SPON1: variants seen among roughly 807,000 people sequenced by gnomAD.
SPON1 encodes spondin-1.
SPON1 carries 52 observed loss-of-function variants against 111.7 expected under a neutral mutation model. The observed-to-expected ratio is 0.47, with a 90% CI of 0.37 to 0.59. The LOEUF is 0.59. Among genes scored for constraint, SPON1 ranks in the 20% least tolerant of loss-of-function variants. SPON1 has a pLI of 0.00. For synonymous variants in SPON1, 410 were observed against 395.8 expected, an observed-to-expected ratio of 1.04 and a Z score of -0.43; for missense variants, 957 against 1,068.5, an observed-to-expected ratio of 0.90 and a Z score of 1.46.
intron 6 of SPON1, among the ~76,000 whole-genome samples, chr11:14,141,715 A>T (rs12794743): frequency 0.4 from 60,406 of 152,112 alleles, 12,262 homozygotes; most frequent in East Asian, 0.55. Flanking sequence ...TTCTTTTCTC[A>T]TCTCCTTTAA....
rs1223565914 is a variant in SPON1 at position 14,161,191 on chromosome 11, CTA to C, written c.825+25631_825+25632del. ...TCTATATATCTATATATTTATATAT[CTA>C]TATATATTTATATATTTATATATAT... On this transcript the variant is annotated intron_variant, in intron 6 of 15. Coordinates refer to ENST00000576479, the MANE Select transcript of SPON1 (RefSeq NM_006108.4). 8.6e-4 allele frequency among the ~76,000 whole-genome samples: 24 copies of C among 27,952 alleles called. 1 individual carries two copies. Among genetic ancestry groups the C allele is most frequent in the African/African-American group, 2.4e-3 (22 of 9,018 alleles). The allele number at this position is 27,952 out of a possible 152,430, so 18.3% of individuals were successfully genotyped here.
At chr11:14,175,238 G>A (rs1197341237) in intron 6 of SPON1, among the ~76,000 whole-genome samples, 1 of 152,150 alleles carries the variant, frequency 6.6e-6, no homozygotes, top group Non-Finnish European at 1.5e-5. Flanking sequence ...AAGCTTTCAA[G>A]GCTTTAACTG....
intron 5 of SPON1, among the ~76,000 whole-genome samples, chr11:14,108,361 G>T (rs948712664): frequency 1.3e-5 from 2 of 152,110 alleles, no homozygotes; most frequent in Non-Finnish European, 2.9e-5. Flanking sequence ...TCTAAATAAG[G>T]ATTTAGCTCT....
intron 6 of SPON1, among the ~76,000 whole-genome samples, chr11:14,143,801 G>A (rs1295875784): frequency 3.3e-5 from 5 of 152,166 alleles, no homozygotes; most frequent in Non-Finnish European, 5.9e-5. Context: ...CCAATTGGGT[G>A]ACAAAATGCT....
At chr11:14,216,299 G>A (rs1554937143) in intron 6 of SPON1, among the ~76,000 whole-genome samples, 2 of 152,140 alleles carry the variant, frequency 1.3e-5, no homozygotes. Context: ...TTCACATCTG[G>A]GGCTGGGTGG....
chr11:14,168,243 A>G (rs536600028), intron 6 of SPON1, among the ~76,000 whole-genome samples: 1 of 152,336 alleles, frequency 6.6e-6, no homozygotes, highest in African/African-American at 2.4e-5. Flanking sequence ...AGCAAATCTG[A>G]TATCTGACCT....
At chr11:14,059,455 C>T (rs1848773624) in intron 3 of SPON1, among the ~76,000 whole-genome samples, 1 of 152,032 alleles carries the variant, frequency 6.6e-6, no homozygotes, top group South Asian at 2.1e-4. Flanking sequence ...CCACCGTAGA[C>T]CCCCCACTAC....
chr11:14,112,892 G>A (rs1216838015), intron 5 of SPON1, among the ~76,000 whole-genome samples: 1 of 152,144 alleles, frequency 6.6e-6, no homozygotes, highest in Non-Finnish European at 1.5e-5. Context: ...CTGATGCCCA[G>A]TGTCTCTATC....
At position 14,228,247 on chromosome 11, in the gene SPON1, C is replaced by T. The variant is rs1848761585; in HGVS notation, c.826-15085C>T. On this transcript the variant is annotated intron_variant, in intron 6 of 15. Transcript: ENST00000576479. This position sits in a 1 kb window ranked among gnomAD's most constrained non-coding sequence, Gnocchi z 4.2. ...ACTGTTCTTCCAACCACTGACAACA[C>T]ATTGTTCAGGCAGCAGCACACGTAT... 6.6e-6 allele frequency among the ~76,000 whole-genome samples: 1 copy of T among 152,244 alleles called. No individual in the cohort carries two copies. The highest frequency in any genetic ancestry group is 1.5e-5 in the Non-Finnish European group (1 of 68,044).
chr11:14,035,178 T>G (rs145016143), intron 2 of SPON1, among the ~76,000 whole-genome samples: 1 of 152,088 alleles, frequency 6.6e-6, no homozygotes, highest in Non-Finnish European at 1.5e-5. Flanking sequence ...GGGACTAGGA[T>G]TGGCTAGAGA....
At chr11:14,199,526 C>T (rs2133895855) in intron 6 of SPON1, among the ~76,000 whole-genome samples, 1 of 152,214 alleles carries the variant, frequency 6.6e-6, no homozygotes, top group Middle Eastern at 3.4e-3. Flanking sequence ...CTAAACTTTT[C>T]TCCCTGTCTC....
At chr11:14,239,491 C>T (rs942027208) in intron 6 of SPON1, among the ~76,000 whole-genome samples, 1 of 152,024 alleles carries the variant, frequency 6.6e-6, no homozygotes, top group African/African-American at 2.4e-5. Flanking sequence ...TTTGGGAGGC[C>T]GAGGCGGGCA....
chr11:13,991,916 G>A (rs1361454901), intron 2 of SPON1, among the ~76,000 whole-genome samples: 1 of 152,156 alleles, frequency 6.6e-6, no homozygotes, highest in East Asian at 1.9e-4. Context: ...ATTGTTGCCT[G>A]ATCTTTCCTC....
intron 6 of SPON1, among the ~76,000 whole-genome samples, chr11:14,168,019 C>A (rs1848051184): frequency 6.6e-6 from 1 of 152,282 alleles, no homozygotes; most frequent in East Asian, 1.9e-4. Flanking sequence ...TTCTTATAAT[C>A]TTTTACCAAA....
At chr11:14,216,718 C>T (rs1848630064) in intron 6 of SPON1, among the ~76,000 whole-genome samples, 1 of 152,310 alleles carries the variant, frequency 6.6e-6, no homozygotes, top group South Asian at 2.1e-4. Context: ...CCCACTCCTA[C>T]AATAACAACA....
chr11:13,993,424 A>C (rs1440018073), intron 2 of SPON1, among the ~76,000 whole-genome samples: 12 of 151,994 alleles, frequency 7.9e-5, no homozygotes, highest in African/African-American at 2.9e-4. Flanking sequence ...GCCTGTACAA[A>C]AGTAACCCAC....
At chr11:14,041,111 G>A (rs1848627912) in intron 2 of SPON1, among the ~76,000 whole-genome samples, 1 of 152,334 alleles carries the variant, frequency 6.6e-6, no homozygotes, top group Admixed American at 6.5e-5. Flanking sequence ...CCAAAAGGGT[G>A]TTTTAACATT....
chr11:14,158,719 A>G (rs1433742423), intron 6 of SPON1, among the ~76,000 whole-genome samples: 1 of 152,152 alleles, frequency 6.6e-6, no homozygotes, highest in Non-Finnish European at 1.5e-5. Flanking sequence ...AAACCAAGTT[A>G]CTTTGTTTTG....
At chr11:14,048,679 G>T (rs1398991923) in intron 3 of SPON1, among the ~76,000 whole-genome samples, 1 of 152,166 alleles carries the variant, frequency 6.6e-6, no homozygotes, top group Non-Finnish European at 1.5e-5. Flanking sequence ...AATGCTGCAA[G>T]AATGCTGCAA....
Sources: gnomAD v4.1 joint callset for allele counts (sites outside exome capture counted in the v4.1 genomes callset) on GRCh38, gnomAD v4.1.1 for gene constraint, Gnocchi (gnomAD v3.1) non-coding constraint, MANE v1.5 for transcripts, NCBI Gene and HGNC (gene_info 2026-07-23, HGNC 2026-07-21) for gene names.